The following ULK4 variants were observed in gnomAD, a reference collection of about 807,000 sequenced individuals.
ULK4 encodes unc-51 like kinase 4, also known as inactive serine/threonine-protein kinase ULK4.
A neutral mutation model predicts 160.6 loss-of-function variants in ULK4; 133 were observed. The ratio of observed to expected loss-of-function variants is 0.83; its 90% CI spans 0.72 to 0.96. The LOEUF is 0.96. ULK4 is among the 40% of genes least tolerant of loss of function. The pLI, the probability that ULK4 is intolerant of heterozygous loss-of-function variation, is 0.00. For synonymous variants in ULK4, 534 were observed against 539.8 expected (o/e 0.99, Z 0.15); for missense variants, 1,580 against 1,499.5 (o/e 1.05, Z -0.89).
In ULK4 at chr3:41,780,300, C is replaced by T. The variant is rs189630873; in HGVS notation, c.2193+9361G>A. On this transcript the variant is annotated intron_variant, in intron 21 of 36. Transcript: ENST00000301831. ...TCCAGCCTCGGAGAAAGAGACCCCA[C>T]CCTGGGTCAAAAATTAAATAAAGTG... 2.4e-3 allele frequency among the ~76,000 whole-genome samples: 371 copies of T among 151,942 alleles called. 1 individual carries two copies. The highest frequency in any genetic ancestry group is 8.0e-3 in the African/African-American group (331 of 41,474).
intron 35 of ULK4, among the ~76,000 whole-genome samples, chr3:41,377,751 T>C (rs1320987967): frequency 6.8e-6 from 1 of 148,102 alleles, no homozygotes; most frequent in East Asian, 2.0e-4. Context: ...TGTGGAGAAA[T>C]AGGAACACTT....
chr3:41,753,026 A>G (rs941604086), intron 22 of ULK4, among the ~76,000 whole-genome samples: 1 of 152,158 alleles, frequency 6.6e-6, no homozygotes, highest in Admixed American at 6.5e-5. Context: ...CAGCCTGGAC[A>G]ACACAGTGAG....
chr3:41,921,450 A>G (rs926455878), intron 5 of ULK4, among the ~76,000 whole-genome samples: 1 of 151,956 alleles, frequency 6.6e-6, no homozygotes, highest in African/African-American at 2.4e-5. Flanking sequence ...TCTCTCATAA[A>G]AAAAAATACA....
chr3:41,373,573 G>C (rs181925473), intron 35 of ULK4, among the ~76,000 whole-genome samples: 7 of 152,264 alleles, frequency 4.6e-5, no homozygotes, highest in Admixed American at 4.6e-4. Context: ...AAATAAAGAA[G>C]TTCTTTGAAA....
chr3:41,715,186 T>C (rs138413217), intron 25 of ULK4, 51 bp downstream of exon 25: 9 of 1,556,036 alleles, frequency 5.8e-6, no homozygotes, highest in Middle Eastern at 2.3e-4. Flanking sequence ...CTACAAACAG[T>C]AGAGGAAGTC....
At chr3:41,540,233 A>G (rs1288157792) in intron 32 of ULK4, among the ~76,000 whole-genome samples, 3 of 151,328 alleles carry the variant, frequency 2.0e-5, no homozygotes, top group African/African-American at 7.3e-5. Flanking sequence ...AATAGGCCCC[A>G]GTGTGTGATG....
chr3:41,531,207 C>T (rs1447256719), intron 32 of ULK4, among the ~76,000 whole-genome samples: 1 of 150,890 alleles, frequency 6.6e-6, no homozygotes, highest in East Asian at 2.0e-4. Flanking sequence ...CTTTAGGAGG[C>T]CGAGGCAGGC....
At chr3:41,719,894 C>T (rs1355801347) in intron 22 of ULK4, among the ~76,000 whole-genome samples, 1 of 152,114 alleles carries the variant, frequency 6.6e-6, no homozygotes, top group Non-Finnish European at 1.5e-5. Flanking sequence ...TCTCCAGTTT[C>T]GTCTTGTTTT....
At chr3:41,600,400 T>C (rs886114504) in intron 31 of ULK4, among the ~76,000 whole-genome samples, 1 of 152,218 alleles carries the variant, frequency 6.6e-6, no homozygotes, top group Admixed American at 6.5e-5. Flanking sequence ...AAGTATGGGT[T>C]GCACCTGTGG....
chr3:41,332,917 T>C (rs2080476492), intron 35 of ULK4, among the ~76,000 whole-genome samples: 1 of 152,250 alleles, frequency 6.6e-6, no homozygotes, highest in African/African-American at 2.4e-5. Flanking sequence ...TTTGGTGATC[T>C]GTTTCTGCGT....
intron 35 of ULK4, among the ~76,000 whole-genome samples, chr3:41,327,136 T>A (rs2080353427): frequency 2.6e-5 from 4 of 152,064 alleles, no homozygotes; most frequent in African/African-American, 9.7e-5. Flanking sequence ...AATGACTTTT[T>A]AAAAAAAGAG....
At chr3:41,922,285 C>T (rs998802397) in intron 5 of ULK4, among the ~76,000 whole-genome samples, 1 of 152,098 alleles carries the variant, frequency 6.6e-6, no homozygotes, top group Non-Finnish European at 1.5e-5. Flanking sequence ...GCCTGGAGTT[C>T]GACACCAGCC....
At chr3:41,340,352 A>C (rs1189458406) in intron 35 of ULK4, among the ~76,000 whole-genome samples, 7 of 152,230 alleles carry the variant, frequency 4.6e-5, no homozygotes, top group African/African-American at 1.7e-4. Flanking sequence ...AGAAGGTGGG[A>C]AGGGGGAGGC....
At chr3:41,452,070 C>T (rs7636076) in intron 34 of ULK4, among the ~76,000 whole-genome samples, 43,206 of 151,984 alleles carry the variant, frequency 0.28, 7,065 homozygotes, top group African/African-American at 0.46. Flanking sequence ...ATTCCTAAAG[C>T]CAGCCTTGTG....
intron 34 of ULK4, among the ~76,000 whole-genome samples, chr3:41,432,414 G>A (rs11918531): frequency 0.028 from 4,288 of 152,146 alleles, 200 homozygotes; most frequent in African/African-American, 0.095. Flanking sequence ...AACCAGTCCC[G>A]AAAATGCTTT....
intron 32 of ULK4, among the ~76,000 whole-genome samples, chr3:41,531,117 G>A (rs2086294119): frequency 6.6e-6 from 1 of 150,490 alleles, no homozygotes; most frequent in Admixed American, 6.6e-5. Context: ...ACTGTAACAG[G>A]GGATAGTTAT....
chr3:41,806,243 T>C (rs2040638587), intron 19 of ULK4, among the ~76,000 whole-genome samples: 1 of 149,892 alleles, frequency 6.7e-6, no homozygotes, highest in Admixed American at 6.6e-5. Flanking sequence ...ATTTATCCAT[T>C]GCTTCTAGAT....
At chr3:41,334,066 G>A (rs563439800) in intron 35 of ULK4, among the ~76,000 whole-genome samples, 3 of 152,186 alleles carry the variant, frequency 2.0e-5, no homozygotes, top group Admixed American at 1.3e-4. Flanking sequence ...TCACACATGC[G>A]CACATACACA....
At chr3:41,939,262 G>T (rs940396226) in intron 2 of ULK4, among the ~76,000 whole-genome samples, 1 of 151,342 alleles carries the variant, frequency 6.6e-6, no homozygotes, top group Non-Finnish European at 1.5e-5. Flanking sequence ...CCAGGTTCAA[G>T]CAATTCCCTG....
Sources: allele counts gnomAD v4.1 joint callset (sites outside exome capture counted in the v4.1 genomes callset), GRCh38; gene constraint gnomAD v4.1.1; transcripts MANE v1.5; gene names NCBI Gene and HGNC (gene_info 2026-07-23, HGNC 2026-07-21).